TMCO6: variants seen among roughly 807,000 people sequenced by gnomAD.
TMCO6 encodes transmembrane and coiled-coil domains 6.
TMCO6 carries 47 observed loss-of-function variants against 61.8 expected under a neutral mutation model. The ratio of observed to expected loss-of-function variants is 0.76; its 90% CI spans 0.60 to 0.97. The LOEUF is 0.97. Ranked by LOEUF, TMCO6 falls within the 50% of genes least tolerant of loss-of-function variation. TMCO6 has a pLI of 0.00. For synonymous variants in TMCO6, 261 were observed against 254.2 expected (o/e 1.03, Z -0.25); for missense variants, 557 against 601.6 (o/e 0.93, Z 0.78).
the TMCO6 span, among the ~76,000 whole-genome samples, chr5:140,616,419 G>A: frequency 2.0e-5 from 3 of 151,852 alleles, no homozygotes; most frequent in African/African-American, 7.3e-5. Context: ...AAAATTAGCT[G>A]GGCATGGTGA....
the TMCO6 span, among the ~76,000 whole-genome samples, chr5:140,629,412 T>C: frequency 6.6e-6 from 1 of 152,224 alleles, no homozygotes; most frequent in Non-Finnish European, 1.5e-5. Flanking sequence ...TAATTCCTAA[T>C]ACAATGTAAA....
the TMCO6 span, among the ~76,000 whole-genome samples, chr5:140,613,553 G>A: frequency 6.6e-6 from 1 of 151,970 alleles, no homozygotes; most frequent in Non-Finnish European, 1.5e-5. Context: ...GACTGTTTCG[G>A]TTTTTACACT....
Position 140,643,616 on chromosome 5 carries a change from TTGC to T in TMCO6, c.865_867del (p.Leu290del). On this transcript the variant is annotated inframe_deletion, in exon 8 of 12. Transcript: ENST00000394671. ...CCATGGGGCTCTGTCTACTCTGGGG[TTGC>T]TGCTGTTGGACTTGGCTGGGGCTGT... is the stretch of plus-strand genomic sequence containing the variant. The T allele has an allele frequency of 6.2e-7, 1 of 1,614,026 alleles. No individual in the cohort carries two copies. Among genetic ancestry groups the T allele is most frequent in the Non-Finnish European group, 8.5e-7 (1 of 1,179,974 alleles).
At chr5:140,633,176 G>A in the TMCO6 span, 24 of 1,430,958 alleles carry the variant, frequency 1.7e-5, no homozygotes, top group Non-Finnish European at 2.3e-5. Context: ...TCACACTTGT[G>A]AACTCTTCGG....
the TMCO6 span, among the ~76,000 whole-genome samples, chr5:140,603,097 C>T: frequency 1.3e-5 from 2 of 152,020 alleles, no homozygotes; most frequent in African/African-American, 4.8e-5. Context: ...TCACTTCTTT[C>T]TAGTTTCAAA....
upstream of TMCO6, among the ~76,000 whole-genome samples, chr5:140,637,195 G>A (rs573858305): frequency 7.2e-5 from 11 of 152,308 alleles, no homozygotes; most frequent in Non-Finnish European, 1.5e-4. Context: ...TGTTGACAAA[G>A]AGAAGGTCCC....
Position 140,639,497 on chromosome 5 carries a change from T to G in TMCO6, c.-31T>G, listed in dbSNP as rs1378626539. On this transcript the variant is annotated 5_prime_UTR_variant, in exon 1 of 12. Coordinates refer to ENST00000394671, the MANE Select transcript of TMCO6 (RefSeq NM_018502.5). ...GCCCCTGGGAGCGTTGTGGCTGCTG[T>G]TTCCTTCGGCTTTCCTCCTCCTGCT... The G allele has an allele frequency of 6.5e-7, 1 of 1,547,184 alleles. No homozygotes were observed. Among genetic ancestry groups the G allele is most frequent in the East Asian group, 2.4e-5 (1 of 40,884 alleles).
chr5:140,614,958 A>G, the TMCO6 span, among the ~76,000 whole-genome samples: 1 of 152,314 alleles, frequency 6.6e-6, no homozygotes, highest in African/African-American at 2.4e-5. Context: ...CAGAACAAGT[A>G]GGCAGGAAAA....
chr5:140,636,512 C>T (rs1756774103), upstream of TMCO6, among the ~76,000 whole-genome samples: 1 of 150,982 alleles, frequency 6.6e-6, no homozygotes, highest in African/African-American at 2.4e-5. Flanking sequence ...AAAAGTTTTT[C>T]TTGGGGAAAT....
At chr5:140,635,960 A>G (rs1373010352), upstream of TMCO6, among the ~76,000 whole-genome samples, 1 of 152,152 alleles carries the variant, frequency 6.6e-6, no homozygotes, top group African/African-American at 2.4e-5. Flanking sequence ...AACTTTTTTC[A>G]TCTTCCCCAC....
the TMCO6 span, among the ~76,000 whole-genome samples, chr5:140,627,992 A>G: frequency 2.6e-5 from 4 of 151,292 alleles, no homozygotes; most frequent in Non-Finnish European, 5.9e-5. Context: ...GAGGATTGAT[A>G]TGTATACAGG....
chr5:140,604,089 T>C, the TMCO6 span, among the ~76,000 whole-genome samples: 1 of 152,260 alleles, frequency 6.6e-6, no homozygotes, highest in African/African-American at 2.4e-5. Context: ...GTTCCCTTTA[T>C]GATCAATGAT....
chr5:140,642,228 C>T lies in TMCO6; in HGVS notation c.499-87C>T, dbSNP rs1044117930. 2.3e-5 allele frequency: 32 copies of T among 1,401,764 alleles called. 1 individual carries two copies. Among genetic ancestry groups the T allele is most frequent in the Admixed American group, 1.1e-4 (5 of 47,198 alleles). 86.8% of individuals were successfully genotyped at this position (1,401,764 alleles called of 1,614,324 possible). On this transcript the variant is annotated intron_variant, in intron 4 of 11. Coordinates refer to ENST00000394671, the MANE Select transcript of TMCO6 (RefSeq NM_018502.5). ...TGAGCCGCAAGGATAGCTGCTCCAGCGTCCCCATCACCTCCCCTCCCCATC... is the reference window on the plus strand; with the variant it reads ...TGAGCCGCAAGGATAGCTGCTCCAGTGTCCCCATCACCTCCCCTCCCCATC...
intron 2 of TMCO6, 21 bp from the exon 3 acceptor site, chr5:140,641,644 T>C (rs1304105517): frequency 6.2e-7 from 1 of 1,609,634 alleles, no homozygotes; most frequent in Non-Finnish European, 8.5e-7. Flanking sequence ...TGTGTTCTCC[T>C]TTCCCTGCCC....
chr5:140,616,546 A>G, the TMCO6 span, among the ~76,000 whole-genome samples: 1 of 152,204 alleles, frequency 6.6e-6, no homozygotes, highest in Non-Finnish European at 1.5e-5. Context: ...TGAGTGACAG[A>G]GAGACCTTGT....
At chr5:140,599,815 C>T in the TMCO6 span, among the ~76,000 whole-genome samples, 1,222 of 152,126 alleles carry the variant, frequency 8.0e-3, 9 homozygotes, top group Non-Finnish European at 0.014. Flanking sequence ...GCAGGAGAAT[C>T]GCTGGAACCT....
chr5:140,607,271 A>C, the TMCO6 span, among the ~76,000 whole-genome samples: 1 of 152,220 alleles, frequency 6.6e-6, no homozygotes, highest in Non-Finnish European at 1.5e-5. Flanking sequence ...ATAGATACTC[A>C]GCATAAGTGG....
chr5:140,629,310 A>T, the TMCO6 span, among the ~76,000 whole-genome samples: 134 of 151,666 alleles, frequency 8.8e-4, no homozygotes, highest in Middle Eastern at 3.4e-3. Context: ...AAACTAAAAA[A>T]AATAATAATA....
At chr5:140,620,966 T>C in the TMCO6 span, among the ~76,000 whole-genome samples, 5 of 152,034 alleles carry the variant, frequency 3.3e-5, no homozygotes, top group African/African-American at 1.2e-4. Flanking sequence ...TCAGCTGAGA[T>C]TGTGCCACTA....
Sources: gnomAD v4.1 joint callset for allele counts (sites outside exome capture counted in the v4.1 genomes callset) on GRCh38, gnomAD v4.1.1 for gene constraint, MANE v1.5 for transcripts, NCBI Gene and HGNC (gene_info 2026-07-23, HGNC 2026-07-21) for gene names.